The following FSHR variants were observed in gnomAD, a reference collection of about 807,000 sequenced individuals.
FSHR encodes follicle stimulating hormone receptor.
In FSHR, 46 loss-of-function variants were observed where a neutral mutation model predicts 52.1. The observed-to-expected ratio is 0.88, with a 90% CI of 0.70 to 1.13. The LOEUF (loss-of-function observed/expected upper bound fraction) is 1.13. Among genes scored for constraint, FSHR ranks in the 50% most tolerant of loss-of-function variants. FSHR has a pLI of 0.00. For missense variants in FSHR, 964 were observed against 834.6 expected, an observed-to-expected ratio of 1.16 and a Z score of -1.91; for synonymous variants, 399 against 309.6, an observed-to-expected ratio of 1.29 and a Z score of -3.03.
intron 1 of FSHR, among the ~76,000 whole-genome samples, chr2:49,118,234 G>A (rs140834562): frequency 7.2e-5 from 11 of 152,154 alleles, no homozygotes; most frequent in African/African-American, 2.4e-4. Context: ...AAGGAGGAAA[G>A]GAGGAAAGGA....
intron 2 of FSHR, among the ~76,000 whole-genome samples, chr2:49,067,057 C>T (rs1504166): frequency 0.022 from 3,308 of 152,108 alleles, 106 homozygotes; most frequent in African/African-American, 0.063. Flanking sequence ...GGTCTTAAAT[C>T]GGGCTCTCCT....
At position 48,963,880 on chromosome 2, in the gene FSHR, A is replaced by G. The variant is rs1462279532; in HGVS notation, c.941T>C (p.Leu314Pro). 2 of 1,614,152 alleles carry G rather than the reference A, an allele frequency of 1.2e-6. No individual in the cohort carries two copies. Among genetic ancestry groups the G allele is most frequent in the East Asian group, 2.2e-5 (1 of 44,884 alleles). The change falls in exon 10 of 10, where the codon CTG becomes CCG. Residue 314 changes from leucine (L) to proline (P), a missense_variant. Leu to Pro is a moderately conservative substitution (Grantham distance 98). Coordinates refer to ENST00000406846, the MANE Select transcript of FSHR (RefSeq NM_000145.4). ...MTQARGQRSSLAEDNESSYSR... is the reference protein window; with the variant it reads ...MTQARGQRSSPAEDNESSYSR... ...GTAGCTGGACTCATTGTCTTCTGCC[A>G]GAGAGGATCTCTGACCCCTAGCCTG...
intron 2 of FSHR, among the ~76,000 whole-genome samples, chr2:49,026,463 C>G (rs546185268): frequency 6.6e-6 from 1 of 152,092 alleles, no homozygotes; most frequent in Non-Finnish European, 1.5e-5. Context: ...CATCCTTAGC[C>G]CCTTTTACAG....
chr2:49,082,843 T>G (rs535504922), intron 1 of FSHR, among the ~76,000 whole-genome samples: 1 of 152,102 alleles, frequency 6.6e-6, no homozygotes, highest in African/African-American at 2.4e-5. Flanking sequence ...TATGGGACTA[T>G]GTGAAAACAC....
intron 2 of FSHR, among the ~76,000 whole-genome samples, chr2:49,046,567 A>G (rs1402991847): frequency 6.6e-6 from 1 of 152,188 alleles, no homozygotes; most frequent in East Asian, 1.9e-4. Context: ...TGGCAAAATA[A>G]TCACACAACA....
At chr2:49,099,992 C>T (rs1670967884) in intron 1 of FSHR, among the ~76,000 whole-genome samples, 1 of 152,122 alleles carries the variant, frequency 6.6e-6, no homozygotes, top group South Asian at 2.1e-4. Context: ...GGGAAATGAG[C>T]TATAAATGCA....
intron 2 of FSHR, among the ~76,000 whole-genome samples, chr2:49,052,687 T>A (rs894315738): frequency 2.0e-5 from 3 of 152,178 alleles, no homozygotes; most frequent in Admixed American, 2.0e-4. Context: ...TGGCCTTTCA[T>A]TTTTCACCAG....
At chr2:49,009,114 C>T (rs111484910) in intron 4 of FSHR, among the ~76,000 whole-genome samples, 4 of 151,694 alleles carry the variant, frequency 2.6e-5, no homozygotes, top group Non-Finnish European at 1.5e-5. Flanking sequence ...TGCCTATGTC[C>T]TGAATGGTAA....
chr2:49,147,596 C>G (rs973118660), intron 1 of FSHR, among the ~76,000 whole-genome samples: 1 of 152,048 alleles, frequency 6.6e-6, no homozygotes, highest in Non-Finnish European at 1.5e-5. Context: ...CTAATAATGA[C>G]TCTGTAAATT....
intron 1 of FSHR, among the ~76,000 whole-genome samples, chr2:49,087,894 G>T (rs1670460155): frequency 6.6e-6 from 1 of 152,214 alleles, no homozygotes; most frequent in Admixed American, 6.5e-5. Flanking sequence ...TTGAGAGAGA[G>T]ATATGTGTAG....
Position 49,020,120 on chromosome 2 carries a change from C to A in FSHR, c.265G>T (p.Asp89Tyr), listed in dbSNP as rs140960768. 93 of 1,613,838 alleles carry A rather than the reference C, an allele frequency of 5.8e-5. No homozygotes were observed. The African/African-American group carries it at 1.2e-3, about 20-fold the overall frequency. ...AATTTGGGAAGGTTGGAGAACACAT[C>A]TGCCTCTATCACCTCCAAGACATCA... ...QNDVLEVIEA[D>Y]VFSNLPKLHE... Residue 89 changes from aspartate (D) to tyrosine (Y), a missense_variant, in exon 3 of 10, where the codon GAT becomes TAT. By Grantham distance (160) the Asp-to-Tyr change is radical. Coordinates refer to ENST00000406846, the MANE Select transcript of FSHR (RefSeq NM_000145.4).
At chr2:49,070,373 A>G (rs1669683969) in intron 1 of FSHR, among the ~76,000 whole-genome samples, 1 of 152,152 alleles carries the variant, frequency 6.6e-6, no homozygotes, top group Non-Finnish European at 1.5e-5. Context: ...TCTATCTAAA[A>G]TTAATCAAAG....
intron 1 of FSHR, among the ~76,000 whole-genome samples, chr2:49,096,807 T>A (rs1347318761): frequency 6.6e-6 from 1 of 152,180 alleles, no homozygotes; most frequent in African/African-American, 2.4e-5. Flanking sequence ...TTTAGCACCA[T>A]CCCCTTAGTG....
At chr2:49,027,873 G>C (rs917254071) in intron 2 of FSHR, among the ~76,000 whole-genome samples, 1 of 141,542 alleles carries the variant, frequency 7.1e-6, no homozygotes, top group Non-Finnish European at 1.5e-5. Flanking sequence ...AAAAAAAAAA[G>C]AGTGAAGGAA....
In FSHR at chr2:49,026,632, C is replaced by T. The variant is rs139740742; in HGVS notation, c.225-6472G>A. Among the ~76,000 whole-genome samples, 338 of 152,306 alleles carry T rather than the reference C, an allele frequency of 2.2e-3. 3 individuals carry two copies. The highest frequency in any genetic ancestry group is 0.017 in the South Asian group (84 of 4,830). On this transcript the variant is annotated intron_variant, in intron 2 of 9. Transcript: ENST00000406846. ...ATTACTGCCCTTATCTTGCAAACAT[C>T]GGCAGGTTAGGCATACGCATGAAAA... is the stretch of plus-strand genomic sequence containing the variant.
chr2:49,096,847 T>C (rs1670837686), intron 1 of FSHR, among the ~76,000 whole-genome samples: 1 of 152,158 alleles, frequency 6.6e-6, no homozygotes, highest in African/African-American at 2.4e-5. Context: ...TAAGTTCTCA[T>C]GAGATCTGAC....
chr2:49,021,670 C>T (rs900717874), intron 2 of FSHR, among the ~76,000 whole-genome samples: 8 of 151,578 alleles, frequency 5.3e-5, no homozygotes, highest in African/African-American at 1.9e-4. Flanking sequence ...GCTTGTTAAC[C>T]CAGTGGTGGC....
intron 1 of FSHR, among the ~76,000 whole-genome samples, chr2:49,092,797 C>T (rs763203633): frequency 6.6e-6 from 1 of 152,138 alleles, no homozygotes; most frequent in Non-Finnish European, 1.5e-5. Flanking sequence ...TCCCAAATAG[C>T]TGGGATTACA....
At chr2:49,143,389 A>G (rs960498351) in intron 1 of FSHR, among the ~76,000 whole-genome samples, 3 of 152,206 alleles carry the variant, frequency 2.0e-5, no homozygotes, top group Non-Finnish European at 4.4e-5. Context: ...TTCCTCTTAT[A>G]TTCAGAGTTG....
Sources: gnomAD v4.1 joint callset for allele counts (sites outside exome capture counted in the v4.1 genomes callset) on GRCh38, gnomAD v4.1.1 for gene constraint, MANE v1.5 for transcripts, NCBI Gene and HGNC (gene_info 2026-07-23, HGNC 2026-07-21) for gene names.